Variants in TOP2B observed in about 807,000 individuals in gnomAD.
TOP2B encodes the protein DNA topoisomerase II beta, also known as DNA topoisomerase 2-beta.
A neutral mutation model predicts 193.5 loss-of-function variants in TOP2B; 51 were observed. The ratio of observed to expected loss-of-function variants is 0.26; its 90% CI spans 0.21 to 0.33. The LOEUF is 0.33. Among genes scored for constraint, TOP2B ranks in the 10% least tolerant of loss-of-function variants. The pLI is 1.00. For missense variants in TOP2B, 1,378 were observed against 1,909.3 expected (o/e 0.72, Z 5.19); for synonymous variants, 634 against 635.7 (o/e 1.00, Z 0.04).
chr3:25,602,058 A>G (rs1702108311), intron 33 of TOP2B, among the ~76,000 whole-genome samples: 1 of 152,198 alleles, frequency 6.6e-6, no homozygotes, highest in South Asian at 2.1e-4. Context: ...GAATTTTGAA[A>G]AATAGACCTT....
intron 21 of TOP2B, 63 bp downstream of exon 21, chr3:25,623,452 G>T: frequency 1.4e-6 from 2 of 1,432,796 alleles, no homozygotes; most frequent in Non-Finnish European, 9.7e-7. Flanking sequence ...TTTCTAAAAT[G>T]ACGGGAATTT....
intron 6 of TOP2B, 102 bp downstream of exon 6, chr3:25,637,111 ATG>A: frequency 1.2e-6 from 1 of 824,020 alleles, no homozygotes; most frequent in Non-Finnish European, 1.9e-6. Context: ...GAAAAAAAAA[ATG>A]AAGTTATACA....
chr3:25,615,601 A>G lies in TOP2B; in HGVS notation c.3352-15T>C. The G allele has an allele frequency of 3.3e-6, 5 of 1,510,530 alleles. No homozygotes were observed. Among genetic ancestry groups the G allele is most frequent in the Middle Eastern group, 1.8e-4 (1 of 5,668 alleles). The allele number at this position is 1,510,530 out of a possible 1,614,324, so 93.6% of individuals were successfully genotyped here. The stretch of plus-strand genomic sequence containing the variant: ...TCTTCTGCTGCCTGTAAAAAATAAC[A>G]AACTGTATATTAAAGTCTTGTATAG... On this transcript the variant is annotated splice_polypyrimidine_tract_variant and intron_variant, in intron 25 of 35. Coordinates refer to ENST00000264331, the MANE Select transcript of TOP2B (RefSeq NM_001330700.2).
intron 28 of TOP2B, among the ~76,000 whole-genome samples, chr3:25,611,255 C>T (rs768034506): frequency 3.7e-4 from 57 of 152,246 alleles, no homozygotes; most frequent in Non-Finnish European, 8.8e-5. Context: ...CAAACGCCAA[C>T]TGAAAAGAAA....
At chr3:25,617,246 A>G (rs1702527310) in intron 25 of TOP2B, among the ~76,000 whole-genome samples, 1 of 152,134 alleles carries the variant, frequency 6.6e-6, no homozygotes, top group African/African-American at 2.4e-5. Flanking sequence ...TATAGTTTAA[A>G]CCAACGGTGA....
At chr3:25,611,938 T>A (rs1020864008) in intron 28 of TOP2B, among the ~76,000 whole-genome samples, 1 of 151,938 alleles carries the variant, frequency 6.6e-6, no homozygotes, top group African/African-American at 2.4e-5. Context: ...AGATTTTTAT[T>A]TTTATTTATT....
chr3:25,632,859 T>C, intron 8 of TOP2B, 65 bp from the exon 9 acceptor site: 3 of 1,296,066 alleles, frequency 2.3e-6, no homozygotes, highest in Non-Finnish European at 3.3e-6. Context: ...ATACTTTATC[T>C]GTATTATAAA....
intron 11 of TOP2B, 43 bp from the exon 12 acceptor site, chr3:25,630,512 C>T (rs566494731): frequency 2.8e-6 from 4 of 1,439,246 alleles, no homozygotes; most frequent in African/African-American, 1.4e-5. Context: ...ATTTCTCATA[C>T]TTTCACTGAT....
chr3:25,642,676 C>T (rs761459097), intron 3 of TOP2B, among the ~76,000 whole-genome samples: 9 of 152,102 alleles, frequency 5.9e-5, no homozygotes, highest in Non-Finnish European at 8.8e-5. Flanking sequence ...CTGCATTTTA[C>T]AACACCCAAA....
chr3:25,658,854 C>T (rs894558697), intron 1 of TOP2B, among the ~76,000 whole-genome samples: 1 of 152,094 alleles, frequency 6.6e-6, no homozygotes, highest in East Asian at 1.9e-4. Flanking sequence ...CAAAACAAAA[C>T]AAAAGATTCT....
At chr3:25,632,327 A>C in intron 10 of TOP2B, 119 bp downstream of exon 10, 1 of 823,762 alleles carries the variant, frequency 1.2e-6, no homozygotes, top group Non-Finnish European at 1.9e-6. Flanking sequence ...TTGTAGTGCA[A>C]GCATGCTTAT....
chr3:25,619,746 A>T, intron 23 of TOP2B, 116 bp downstream of exon 23: 1 of 711,276 alleles, frequency 1.4e-6, no homozygotes, highest in South Asian at 2.0e-5. Flanking sequence ...GGGAAAAAAA[A>T]AAAAAAAAAA....
chr3:25,598,482 A>G lies in TOP2B; in HGVS notation c.4711-5T>C. ...AAAAGATGTCTTCTTCGGTTTCTAGATTTTTTTTCAATAGATTTAAAAGTT... is the reference window on the plus strand; with the variant it reads ...AAAAGATGTCTTCTTCGGTTTCTAGGTTTTTTTTCAATAGATTTAAAAGTT... On this transcript the variant is annotated splice_polypyrimidine_tract_variant and splice_region_variant and intron_variant, in intron 35 of 35. Transcript: ENST00000264331. 1 of 1,557,322 alleles carries G rather than the reference A, an allele frequency of 6.4e-7. No individual in the cohort carries two copies. Among genetic ancestry groups the G allele is most frequent in the East Asian group, 2.3e-5 (1 of 43,822 alleles).
At chr3:25,632,182 T>C (rs1277613526) in intron 10 of TOP2B, among the ~76,000 whole-genome samples, 2 of 152,080 alleles carry the variant, frequency 1.3e-5, no homozygotes, top group Non-Finnish European at 2.9e-5. Context: ...AGGGGAAATC[T>C]GACCTTTACA....
At chr3:25,657,438 A>G (rs984182818) in intron 1 of TOP2B, among the ~76,000 whole-genome samples, 1 of 152,184 alleles carries the variant, frequency 6.6e-6, no homozygotes, top group African/African-American at 2.4e-5. Flanking sequence ...ATCTCTTAAA[A>G]AAAATGTCAC....
chr3:25,634,248 T>C (rs1703040369), intron 7 of TOP2B, among the ~76,000 whole-genome samples: 1 of 152,134 alleles, frequency 6.6e-6, no homozygotes, highest in Non-Finnish European at 1.5e-5. Flanking sequence ...GGTAAATTGT[T>C]ATAAAATATT....
At chr3:25,645,118 C>T (rs1001359553) in intron 2 of TOP2B, among the ~76,000 whole-genome samples, 182 bp downstream of exon 2, 9 of 152,020 alleles carry the variant, frequency 5.9e-5, no homozygotes, top group East Asian at 1.9e-4. Context: ...CCTCTTCTGA[C>T]GGTTTTTAAT....
At position 25,626,764 on chromosome 3, in the gene TOP2B, A is replaced by G. The variant is rs779068756; in HGVS notation, c.2109+8T>C. The G allele has an allele frequency of 1.2e-6, 2 of 1,601,990 alleles. No individual in the cohort carries two copies. Among genetic ancestry groups the G allele is most frequent in the South Asian group, 2.2e-5 (2 of 89,456 alleles). On this transcript the variant is annotated splice_region_variant and intron_variant, in intron 17 of 35. Coordinates refer to ENST00000264331, the MANE Select transcript of TOP2B (RefSeq NM_001330700.2). ...TCTTTCCCCAGGTCACCACTCTTTA[A>G]GACTAACCTCTGGTAAGCCATGTAG...
intron 2 of TOP2B, 50 bp from the exon 3 acceptor site, chr3:25,643,834 A>C: frequency 7.5e-7 from 1 of 1,342,138 alleles, no homozygotes; most frequent in Non-Finnish European, 1.1e-6. Context: ...CCTTAATATC[A>C]ATTTTTCATA....
Sources: gnomAD v4.1 joint callset for allele counts (sites outside exome capture counted in the v4.1 genomes callset) on GRCh38, gnomAD v4.1.1 for gene constraint, MANE v1.5 for transcripts, NCBI Gene and HGNC (gene_info 2026-07-23, HGNC 2026-07-21) for gene names.